Variants in ARHGAP26 observed in about 807,000 individuals in gnomAD.
The protein encoded by ARHGAP26 is Rho GTPase activating protein 26, also known as rho GTPase-activating protein 26.
Under a neutral mutation model 104.8 loss-of-function variants are expected in ARHGAP26, and 38 were observed. The observed-to-expected ratio is 0.36, with a 90% CI of 0.28 to 0.48. The LOEUF (loss-of-function observed/expected upper bound fraction) is 0.48. Ranked by LOEUF, ARHGAP26 falls within the 20% of genes least tolerant of loss-of-function variation. ARHGAP26 has a pLI of 0.99. For missense variants in ARHGAP26, 704 were observed against 947.9 expected (o/e 0.74, Z 3.38); for synonymous variants, 341 against 340.0 (o/e 1.00, Z -0.03).
At chr5:142,863,410 A>G (rs1358217128) in intron 1 of ARHGAP26, among the ~76,000 whole-genome samples, 1 of 152,152 alleles carries the variant, frequency 6.6e-6, no homozygotes, top group Non-Finnish European at 1.5e-5. Flanking sequence ...CCCGGCCTCA[A>G]GTGAGTTCTT....
At chr5:142,789,294 G>C (rs193191607) in intron 1 of ARHGAP26, among the ~76,000 whole-genome samples, 74 of 152,304 alleles carry the variant, frequency 4.9e-4, no homozygotes, top group Middle Eastern at 3.4e-3. Context: ...TCTCTCTGCT[G>C]TCTCTACATC....
At chr5:143,133,906 A>G in intron 18 of ARHGAP26, 61 bp from the exon 19 acceptor site, 1 of 1,515,516 alleles carries the variant, frequency 6.6e-7, no homozygotes, top group Non-Finnish European at 8.9e-7. Context: ...GTACTGCTTC[A>G]GGCCTGTTTT....
Position 143,034,382 on chromosome 5 carries a change from G to A in ARHGAP26, c.1145-2814G>A, listed in dbSNP as rs1038132501. On this transcript the variant is annotated intron_variant, in intron 12 of 22. Coordinates refer to ENST00000645722, the MANE Select transcript of ARHGAP26 (RefSeq NM_001135608.3). Reference sequence around the variant, plus strand: ...CAGCCGATGAATGGATAAATAAAATGTGATATATCTGGACCGTGGAATATT... The same window carrying A: ...CAGCCGATGAATGGATAAATAAAATATGATATATCTGGACCGTGGAATATT... Among the ~76,000 whole-genome samples, 36 of 152,280 alleles carry A rather than the reference G, an allele frequency of 2.4e-4. 1 individual carries two copies. Among genetic ancestry groups the A allele is most frequent in the South Asian group, 2.3e-3 (11 of 4,818 alleles).
intron 1 of ARHGAP26, among the ~76,000 whole-genome samples, chr5:142,787,466 G>C (rs1057199629): frequency 6.6e-6 from 1 of 152,128 alleles, no homozygotes; most frequent in Non-Finnish European, 1.5e-5. Context: ...GCAGGTGCTC[G>C]ATCTAGAATC....
chr5:143,038,214 G>T (rs1201667426), intron 13 of ARHGAP26, among the ~76,000 whole-genome samples: 3 of 152,134 alleles, frequency 2.0e-5, no homozygotes, highest in African/African-American at 7.2e-5. Flanking sequence ...CTCTTTTAAA[G>T]CAGGATTCAT....
At chr5:143,219,661 C>T (rs1194922989) in intron 22 of ARHGAP26, among the ~76,000 whole-genome samples, 1 of 152,204 alleles carries the variant, frequency 6.6e-6, no homozygotes, top group Non-Finnish European at 1.5e-5. Flanking sequence ...TGCTGCCTCC[C>T]TCCTCTATTA....
At chr5:142,923,741 A>G (rs898483123) in intron 10 of ARHGAP26, among the ~76,000 whole-genome samples, 1 of 151,914 alleles carries the variant, frequency 6.6e-6, no homozygotes, top group African/African-American at 2.4e-5. Flanking sequence ...GGTGATACCT[A>G]CTTTTTAGAC....
intron 1 of ARHGAP26, among the ~76,000 whole-genome samples, chr5:142,813,388 C>G (rs943687532): frequency 6.6e-6 from 1 of 152,208 alleles, no homozygotes; most frequent in Non-Finnish European, 1.5e-5. Flanking sequence ...TGTGCTCGGC[C>G]GTGCCACATG....
intron 12 of ARHGAP26, among the ~76,000 whole-genome samples, chr5:143,015,436 G>A (rs944461140): frequency 3.9e-5 from 6 of 152,204 alleles, no homozygotes; most frequent in African/African-American, 1.2e-4. Flanking sequence ...TGGATAATAC[G>A]ACAAAGCTCT....
At chr5:143,086,703 C>T (rs1439539602) in intron 17 of ARHGAP26, among the ~76,000 whole-genome samples, 2 of 152,182 alleles carry the variant, frequency 1.3e-5, no homozygotes, top group Non-Finnish European at 2.9e-5. Flanking sequence ...TTTCTTAGCA[C>T]TTAAGGCTGC....
intron 5 of ARHGAP26, among the ~76,000 whole-genome samples, chr5:142,885,861 TTTTC>T (rs1359861361): frequency 6.6e-6 from 1 of 152,216 alleles, no homozygotes; most frequent in Non-Finnish European, 1.5e-5. Flanking sequence ...TTGACATTAG[TTTTC>T]TTTCTTTTTT....
intron 17 of ARHGAP26, among the ~76,000 whole-genome samples, chr5:143,078,499 C>G (rs1789359959): frequency 1.3e-5 from 2 of 152,008 alleles, no homozygotes; most frequent in Admixed American, 1.3e-4. Flanking sequence ...TTGATTCAGT[C>G]TGCTTTTAGT....
At chr5:142,772,323 C>T (rs76292735) in intron 1 of ARHGAP26, among the ~76,000 whole-genome samples, 6,695 of 152,278 alleles carry the variant, frequency 0.044, 276 homozygotes, top group African/African-American at 0.11. Context: ...AACATATGAA[C>T]AGACCCTTCC....
At chr5:143,005,263 CTTTG>C (rs748415547) in intron 11 of ARHGAP26, among the ~76,000 whole-genome samples, 3 of 152,240 alleles carry the variant, frequency 2.0e-5, no homozygotes, top group Non-Finnish European at 4.4e-5. Flanking sequence ...CCCTGCATTT[CTTTG>C]TTTGACCTTT....
intron 20 of ARHGAP26, among the ~76,000 whole-genome samples, chr5:143,153,574 A>T (rs1800100798): frequency 6.6e-6 from 1 of 152,204 alleles, no homozygotes; most frequent in South Asian, 2.1e-4. Context: ...TGCTGCAGTA[A>T]TTTCCCCAAA....
chr5:142,956,220 T>C (rs899441280), intron 11 of ARHGAP26, among the ~76,000 whole-genome samples: 6 of 152,136 alleles, frequency 3.9e-5, no homozygotes, highest in African/African-American at 1.4e-4. Flanking sequence ...CCCTGCTTGA[T>C]ACTTTGATTT....
chr5:143,013,676 C>T (rs1779192511), intron 11 of ARHGAP26, among the ~76,000 whole-genome samples: 2 of 152,194 alleles, frequency 1.3e-5, no homozygotes, highest in Non-Finnish European at 2.9e-5. Flanking sequence ...AATAACAGCT[C>T]CTGCCCAACA....
chr5:143,112,633 CT>C (rs1174015710), intron 17 of ARHGAP26, among the ~76,000 whole-genome samples: 23 of 152,260 alleles, frequency 1.5e-4, no homozygotes, highest in South Asian at 8.3e-4. Flanking sequence ...CATCTGGCCC[CT>C]GGCAACCATC....
At chr5:142,875,652 A>G (rs1755978645) in intron 3 of ARHGAP26, among the ~76,000 whole-genome samples, 1 of 152,160 alleles carries the variant, frequency 6.6e-6, no homozygotes, top group Non-Finnish European at 1.5e-5. Context: ...AATGAAGGTA[A>G]CTATAAAAAG....
Sources: allele counts gnomAD v4.1 joint callset (sites outside exome capture counted in the v4.1 genomes callset), GRCh38; gene constraint gnomAD v4.1.1; transcripts MANE v1.5; gene names NCBI Gene and HGNC (gene_info 2026-07-23, HGNC 2026-07-21).